PRR16: variants seen among roughly 807,000 people sequenced by gnomAD.
PRR16 encodes proline rich 16.
In PRR16, 6 loss-of-function variants were observed where a neutral mutation model predicts 18.2. The ratio of observed to expected loss-of-function variants is 0.33; its 90% confidence interval spans 0.18 to 0.65. PRR16 has a LOEUF of 0.65. Among genes scored for constraint, PRR16 ranks in the 30% least tolerant of loss-of-function variants. The probability of loss-of-function intolerance (pLI) is 0.74; values close to 1 mark genes in which losing one functional copy is unlikely to be tolerated. For missense variants in PRR16, 412 were observed against 376.6 expected, an observed-to-expected ratio of 1.09 and a Z score of -0.78; for synonymous variants, 151 against 147.8, an observed-to-expected ratio of 1.02 and a Z score of -0.16.
At chr5:120,615,239 T>G (rs1367274657) in intron 1 of PRR16, among the ~76,000 whole-genome samples, 3 of 152,140 alleles carry the variant, frequency 2.0e-5, no homozygotes, top group Admixed American at 1.3e-4. Flanking sequence ...TGGGATTACA[T>G]AGCTAATGAG....
intron 1 of PRR16, among the ~76,000 whole-genome samples, chr5:120,561,779 C>A (rs1752582661): frequency 6.6e-6 from 1 of 152,084 alleles, no homozygotes; most frequent in Admixed American, 6.6e-5. Context: ...CTCATGAGAT[C>A]TGATGCTTTG....
chr5:120,592,309 C>G (rs1415476637), intron 1 of PRR16, among the ~76,000 whole-genome samples: 2 of 152,108 alleles, frequency 1.3e-5, no homozygotes, highest in African/African-American at 2.4e-5. Context: ...GAATAAAATG[C>G]AGAATAACTC....
chr5:120,769,990 C>G, the PRR16 span, among the ~76,000 whole-genome samples: 8 of 151,832 alleles, frequency 5.3e-5, no homozygotes, highest in African/African-American at 1.9e-4. Flanking sequence ...AGCTGTTGGT[C>G]ACTTGTATGT....
Position 120,655,388 on chromosome 5 carries a change from T to TTA in PRR16, c.160-30566_160-30565insTA, listed in dbSNP as rs1554092375. On this transcript the variant is annotated intron_variant, in intron 1 of 1. Transcript: ENST00000407149. ...CAATAATTGACCTTTTTTTTTTTTT[T>TTA]AAAAAAAAAGAGGTTTTTATGGTCC... 7.3e-3 allele frequency among the ~76,000 whole-genome samples: 1,050 copies of TTA among 143,584 alleles called. 13 individuals are homozygous for TTA. The highest frequency in any genetic ancestry group is 0.022 in the African/African-American group (856 of 39,410). 94.2% of individuals were successfully genotyped at this position (143,584 alleles called of 152,430 possible).
chr5:120,731,707 G>A, the PRR16 span, among the ~76,000 whole-genome samples: 2 of 152,128 alleles, frequency 1.3e-5, no homozygotes, highest in African/African-American at 4.8e-5. Context: ...TGCATAAAGT[G>A]TTGTATCCAC....
intron 1 of PRR16, among the ~76,000 whole-genome samples, chr5:120,585,667 C>T (rs1382771074): frequency 6.7e-6 from 1 of 150,344 alleles, no homozygotes; most frequent in Non-Finnish European, 1.5e-5. Flanking sequence ...TTTGCCATCT[C>T]CCCTAGATAA....
chr5:120,791,089 T>A, the PRR16 span, among the ~76,000 whole-genome samples: 240 of 152,266 alleles, frequency 1.6e-3, 2 homozygotes, highest in African/African-American at 5.6e-3. Context: ...ATTTGTAATT[T>A]GTATTTGGCA....
chr5:120,703,348 T>C, the PRR16 span, among the ~76,000 whole-genome samples: 1 of 152,252 alleles, frequency 6.6e-6, no homozygotes, highest in East Asian at 1.9e-4. Context: ...CTTCAGGCCA[T>C]CTGGGCGTAT....
At chr5:120,787,475 G>T in the PRR16 span, among the ~76,000 whole-genome samples, 48 of 152,194 alleles carry the variant, frequency 3.2e-4, no homozygotes, top group African/African-American at 1.1e-3. Flanking sequence ...ACTTCTAATG[G>T]TAAGATGATT....
chr5:120,783,683 C>T, the PRR16 span, among the ~76,000 whole-genome samples: 2 of 151,754 alleles, frequency 1.3e-5, no homozygotes, highest in African/African-American at 4.8e-5. Context: ...ATCTGGACAC[C>T]CATCACCTAA....
downstream of PRR16, among the ~76,000 whole-genome samples, chr5:120,687,722 G>GT (rs1696671786): frequency 6.6e-6 from 1 of 152,104 alleles, no homozygotes. Context: ...AGCATTTGGC[G>GT]TAAGTTTTTC....
At chr5:120,555,628 T>C (rs1752383906) in intron 1 of PRR16, among the ~76,000 whole-genome samples, 1 of 151,776 alleles carries the variant, frequency 6.6e-6, no homozygotes, top group Non-Finnish European at 1.5e-5. Context: ...CATCTAAACC[T>C]AATTACTTCC....
At chr5:120,508,561 A>G (rs948513661) in intron 1 of PRR16, among the ~76,000 whole-genome samples, 2 of 152,076 alleles carry the variant, frequency 1.3e-5, no homozygotes, top group African/African-American at 4.8e-5. Flanking sequence ...AGAAAAAAGA[A>G]AGGCTTTAGA....
At chr5:120,676,134 G>A (rs1011711438) in intron 1 of PRR16, among the ~76,000 whole-genome samples, 1 of 151,990 alleles carries the variant, frequency 6.6e-6, no homozygotes, top group Admixed American at 6.6e-5. Flanking sequence ...GTCACTGTTT[G>A]TTTTAGTATC....
chr5:120,761,279 T>G, the PRR16 span, among the ~76,000 whole-genome samples: 2 of 152,120 alleles, frequency 1.3e-5, no homozygotes, highest in Non-Finnish European at 1.5e-5. Context: ...ACATTTCTCA[T>G]GGCCTGAACT....
the PRR16 span, among the ~76,000 whole-genome samples, chr5:120,785,137 C>G: frequency 9.9e-5 from 15 of 152,210 alleles, no homozygotes; most frequent in African/African-American, 2.7e-4. Flanking sequence ...TAGAATAATA[C>G]AAATATCATA....
chr5:120,687,311 CA>C lies in PRR16; in HGVS notation c.*605del, dbSNP rs1351209954. 5 of 152,058 alleles carry C rather than the reference CA, an allele frequency of 3.3e-5. No individual in the cohort carries two copies. The highest frequency in any genetic ancestry group is 5.9e-5 in the Non-Finnish European group (4 of 67,996). 9.4% of individuals were successfully genotyped at this position (152,058 alleles called of 1,614,324 possible). ...AAACAATAGTAAATAATGACAAAAG[CA>C]AATGTTCCTCAGAATTAAAATGAAG... On this transcript the variant is annotated 3_prime_UTR_variant, in exon 2 of 2. Transcript: ENST00000407149.
the PRR16 span, among the ~76,000 whole-genome samples, chr5:120,765,475 T>TA: frequency 6.6e-6 from 1 of 152,072 alleles, no homozygotes; most frequent in East Asian, 1.9e-4. Flanking sequence ...GGGTAGTTTT[T>TA]AGAGTTTTCA....
chr5:120,633,071 A>G (rs553196091), intron 1 of PRR16, among the ~76,000 whole-genome samples: 1 of 143,846 alleles, frequency 7.0e-6, no homozygotes, highest in South Asian at 2.2e-4. Context: ...TTGAGGGCCT[A>G]TCTTTACTCT....
Sources: gnomAD v4.1 joint callset for allele counts (sites outside exome capture counted in the v4.1 genomes callset) on GRCh38, gnomAD v4.1.1 for gene constraint, MANE v1.5 for transcripts, NCBI Gene and HGNC (gene_info 2026-07-23, HGNC 2026-07-21) for gene names.